Variants in NRXN3 observed in about 807,000 individuals in gnomAD.
NRXN3 encodes neurexin 3, also known as neurexin III.
NRXN3 carries 32 observed loss-of-function variants against 137.6 expected under a neutral mutation model. That is an observed-to-expected ratio of 0.23 (90% CI 0.18 to 0.31). The LOEUF (loss-of-function observed/expected upper bound fraction) is 0.31, where lower values mean the gene tolerates loss of function less well. NRXN3 is among the 10% of genes least tolerant of loss of function. The pLI is 1.00. For synonymous variants in NRXN3, 798 were observed against 784.5 expected (o/e 1.02, Z -0.29); for missense variants, 1,574 against 2,062.5 (o/e 0.76, Z 4.59).
chr14:79,143,896 T>C (rs373048313), intron 15 of NRXN3, among the ~76,000 whole-genome samples: 2 of 152,238 alleles, frequency 1.3e-5, no homozygotes, highest in African/African-American at 4.8e-5. Flanking sequence ...AGATTTTTTT[T>C]AAAACTTTTC....
intron 4 of NRXN3, among the ~76,000 whole-genome samples, chr14:78,380,764 A>C (rs891917539): frequency 3.4e-5 from 5 of 148,972 alleles, no homozygotes; most frequent in Non-Finnish European, 5.9e-5. Flanking sequence ...CACAGGTTGA[A>C]CACAATTTCT....
At chr14:78,429,269 G>A (rs767585206) in intron 4 of NRXN3, among the ~76,000 whole-genome samples, 2 of 151,260 alleles carry the variant, frequency 1.3e-5, no homozygotes, top group Non-Finnish European at 2.9e-5. Flanking sequence ...AGTAGAGATG[G>A]GGTTTTGCTA....
chr14:78,775,967 A>T (rs577014467), intron 8 of NRXN3, among the ~76,000 whole-genome samples: 1 of 152,254 alleles, frequency 6.6e-6, no homozygotes, highest in Admixed American at 6.5e-5. Context: ...CCAGGGTATG[A>T]ATTACTTTTT....
At chr14:79,810,779 A>C (rs2099229562) in intron 20 of NRXN3, among the ~76,000 whole-genome samples, 1 of 152,224 alleles carries the variant, frequency 6.6e-6, no homozygotes, top group Non-Finnish European at 1.5e-5. Context: ...TCACCAAATC[A>C]TTTTACTTTT....
At chr14:78,931,314 A>G (rs1458033938) in intron 10 of NRXN3, among the ~76,000 whole-genome samples, 1 of 152,212 alleles carries the variant, frequency 6.6e-6, no homozygotes, top group East Asian at 1.9e-4. Context: ...AAGAATCAGT[A>G]ACATTTGAGT....
chr14:79,584,500 G>C (rs929582592), intron 16 of NRXN3, among the ~76,000 whole-genome samples: 38 of 152,198 alleles, frequency 2.5e-4, no homozygotes, highest in African/African-American at 8.7e-4. Flanking sequence ...GGAGAGCTGG[G>C]ATGAATATGG....
intron 15 of NRXN3, among the ~76,000 whole-genome samples, chr14:79,086,749 A>G (rs576429180): frequency 6.6e-6 from 1 of 152,278 alleles, no homozygotes; most frequent in South Asian, 2.1e-4. Context: ...ATTTAATTAT[A>G]AAATTAAAAT....
At chr14:79,464,659 T>A (rs1277194301) in intron 15 of NRXN3, among the ~76,000 whole-genome samples, 1 of 152,128 alleles carries the variant, frequency 6.6e-6, no homozygotes, top group East Asian at 1.9e-4. Flanking sequence ...TAAAAAGATG[T>A]GAAAAGAACT....
intron 3 of NRXN3, among the ~76,000 whole-genome samples, chr14:78,286,659 G>C (rs907343719): frequency 6.6e-6 from 1 of 152,250 alleles, no homozygotes; most frequent in Non-Finnish European, 1.5e-5. Flanking sequence ...CAGGTGGTCC[G>C]CTAATGCTGC....
At chr14:78,601,070 T>G (rs1303047677) in intron 4 of NRXN3, among the ~76,000 whole-genome samples, 1 of 152,202 alleles carries the variant, frequency 6.6e-6, no homozygotes, top group Admixed American at 6.5e-5. Context: ...GCCTTTGATA[T>G]CTGCCTCCAT....
intron 15 of NRXN3, among the ~76,000 whole-genome samples, chr14:79,059,258 T>TTTTTTTTTTTTTC (rs1568145744): frequency 5.8e-5 from 2 of 34,610 alleles, no homozygotes; most frequent in African/African-American, 1.0e-4. Flanking sequence ...TTCTTTTTTT[T>TTTTTTTTTTTTTC]TTTTTTTTTT....
At chr14:78,922,428 A>G (rs1454469468) in intron 10 of NRXN3, among the ~76,000 whole-genome samples, 1 of 152,216 alleles carries the variant, frequency 6.6e-6, no homozygotes, top group Non-Finnish European at 1.5e-5. Flanking sequence ...TAAGGTCACA[A>G]AACAGAAAAA....
rs551644335 is a variant in NRXN3, at chr14:78,685,444, CA to C, written c.1222-23771del. ...CTTGCTGCCTCTCTATCCTCATCTC[CA>C]ATGTGCACCTCCTCATTCACCCTGA... On this transcript the variant is annotated intron_variant, in intron 6 of 20. Transcript: ENST00000335750. 3.4e-4 allele frequency among the ~76,000 whole-genome samples: 52 copies of C among 152,190 alleles called. No homozygotes were observed. The East Asian group carries it at 9.7e-3, about 28-fold the overall frequency.
intron 19 of NRXN3, among the ~76,000 whole-genome samples, chr14:79,715,109 G>A (rs2098819238): frequency 6.6e-6 from 1 of 151,916 alleles, no homozygotes; most frequent in South Asian, 2.1e-4. Context: ...GCCCACCACC[G>A]CACCTGGCCA....
At chr14:78,634,044 C>G (rs2097546123) in intron 4 of NRXN3, among the ~76,000 whole-genome samples, 1 of 152,204 alleles carries the variant, frequency 6.6e-6, no homozygotes, top group South Asian at 2.1e-4. Flanking sequence ...TGATTTTATT[C>G]TGCTGTGGAA....
rs573863324 is a variant in NRXN3 at position 79,444,606 on chromosome 14, C to G, written c.3263-22615C>G. On this transcript the variant is annotated intron_variant, in intron 15 of 20. Transcript: ENST00000335750. ...TTGGGAGGCTGACACCAGTAAATCA[C>G]TTGAGGCCAAGAGTTCAAAACCAGC... Among the ~76,000 whole-genome samples, 9 of 152,318 alleles carry G rather than the reference C, an allele frequency of 5.9e-5. No individual in the cohort carries two copies. The South Asian group carries it at 1.9e-3, about 32-fold the overall frequency.
At position 79,133,881 on chromosome 14, in the gene NRXN3, A is replaced by C. The variant is rs539348792; in HGVS notation, c.3262+145740A>C. 3.3e-5 allele frequency among the ~76,000 whole-genome samples: 5 copies of C among 151,340 alleles called. No homozygotes were observed. In the East Asian group the frequency reaches 9.7e-4, roughly 29 times the overall value. Reference sequence around the variant, plus strand: ...GAGGTGGAGCTTGCAGTGAGCAGAGATCGTGCTGCTGCACTCCAGCTTGGG... The same window carrying C: ...GAGGTGGAGCTTGCAGTGAGCAGAGCTCGTGCTGCTGCACTCCAGCTTGGG... On this transcript the variant is annotated intron_variant, in intron 15 of 20. Coordinates refer to ENST00000335750, the MANE Select transcript of NRXN3 (RefSeq NM_001330195.2).
rs527913630 is a variant in NRXN3, at chr14:79,451,671, C to T, written c.3263-15550C>T. Among the ~76,000 whole-genome samples the T allele has an allele frequency of 4.6e-5, 7 of 152,320 alleles. No individual in the cohort carries two copies. In the South Asian group the frequency reaches 1.4e-3, roughly 32 times the overall value. On this transcript the variant is annotated intron_variant, in intron 15 of 20. Transcript: ENST00000335750. ...TTTGTTCCTAGAAGGAACCTCTTCA[C>T]TTCTCATTATCCAGACTTTCCCTAG...
chr14:79,486,947 CT>C (rs2096661974), intron 16 of NRXN3, among the ~76,000 whole-genome samples: 2 of 150,730 alleles, frequency 1.3e-5, no homozygotes, highest in Admixed American at 6.6e-5. Flanking sequence ...CTCTCTCTCT[CT>C]CTCTCTCTCT....
Sources: gnomAD v4.1 joint callset for allele counts (sites outside exome capture counted in the v4.1 genomes callset) on GRCh38, gnomAD v4.1.1 for gene constraint, MANE v1.5 for transcripts, NCBI Gene and HGNC (gene_info 2026-07-23, HGNC 2026-07-21) for gene names.